The following SCN9A variants were observed in gnomAD, a reference collection of about 807,000 sequenced individuals.
The protein encoded by SCN9A is sodium channel protein type 9 subunit alpha.
SCN9A carries 131 observed loss-of-function variants against 187.0 expected under a neutral mutation model. The ratio of observed to expected loss-of-function variants is 0.70; its 90% CI spans 0.61 to 0.81. The LOEUF (loss-of-function observed/expected upper bound fraction) is 0.81, where lower values mean the gene tolerates loss of function less well. SCN9A is among the 30% of genes least tolerant of loss of function. The pLI is 0.00. For missense variants in SCN9A, 2,252 were observed against 2,396.6 expected, an observed-to-expected ratio of 0.94 and a Z score of 1.26; for synonymous variants, 809 against 808.6, an observed-to-expected ratio of 1.00 and a Z score of -0.01.
Position 166,199,443 on chromosome 2 carries a change from G to A in SCN9A, c.5196C>T (p.Asn1732=). 1 of 1,614,118 alleles carries A rather than the reference G, an allele frequency of 6.2e-7. No homozygotes were observed. Among genetic ancestry groups the A allele is most frequent in the Non-Finnish European group, 8.5e-7 (1 of 1,180,022 alleles). ...PGSSVEGDCG[N]PSVGIFYFVS... is the part of the protein sequence containing the mutation. ...CAAAGTAGAATATTCCAACAGATGG[G>A]TTACCACAGTCTCCTTCAACTGAAC... The change falls in exon 27 of 27, where the codon AAC becomes AAT. Residue 1732 remains asparagine (N), a synonymous_variant. Coordinates refer to ENST00000642356, the MANE Select transcript of SCN9A (RefSeq NM_001365536.1).
chr2:166,210,947 G>A (rs760817110), intron 24 of SCN9A, among the ~76,000 whole-genome samples: 9 of 152,052 alleles, frequency 5.9e-5, no homozygotes, highest in Non-Finnish European at 1.0e-4. Flanking sequence ...TATAATCCCA[G>A]CTACTCGGGA....
Position 166,310,798 on chromosome 2 carries a change from A to G in SCN9A, c.258+701T>C, listed in dbSNP as rs6737120. ...TGCTGCTATAAAGACACATGCACACATATGTTTATTGTGGCATTATTCACA... is the reference window on the plus strand; with the variant it reads ...TGCTGCTATAAAGACACATGCACACGTATGTTTATTGTGGCATTATTCACA... On this transcript the variant is annotated intron_variant, in intron 2 of 26. Transcript: ENST00000642356. Among the ~76,000 whole-genome samples, 18 of 74,928 alleles carry G rather than the reference A, an allele frequency of 2.4e-4. 3 individuals are homozygous for G. The South Asian group carries it at 6.5e-3, about 27-fold the overall frequency. 49.2% of individuals were successfully genotyped at this position (74,928 alleles called of 152,430 possible).
At chr2:166,374,025 T>C (rs1246806152) in intron 1 of SCN9A, among the ~76,000 whole-genome samples, 1 of 152,176 alleles carries the variant, frequency 6.6e-6, no homozygotes, top group Non-Finnish European at 1.5e-5. Flanking sequence ...CTTCTGAAAC[T>C]CAGCACAGCA....
chr2:166,310,895 C>T (rs565031158), intron 2 of SCN9A, among the ~76,000 whole-genome samples: 1 of 81,598 alleles, frequency 1.2e-5, no homozygotes, highest in African/African-American at 6.6e-5. Context: ...GGCTCATATA[C>T]ACCATGGAAT....
rs76711511 is a variant in SCN9A at position 166,334,225 on chromosome 2, C to T, written c.-50-22419G>A. 9.2e-3 allele frequency among the ~76,000 whole-genome samples: 1,405 copies of T among 152,108 alleles called. 17 individuals carry two copies. Among genetic ancestry groups the T allele is most frequent in the African/African-American group, 0.032 (1,322 of 41,530 alleles). ...TAAAATGTGAAAGAACTGAAAATAA[C>T]GAATGCCAACAAAATTACAAAAATT... On this transcript the variant is annotated intron_variant, in intron 1 of 26. Coordinates refer to ENST00000642356, the MANE Select transcript of SCN9A (RefSeq NM_001365536.1).
intron 1 of SCN9A, among the ~76,000 whole-genome samples, chr2:166,349,916 G>A (rs951403552): frequency 1.3e-5 from 2 of 151,890 alleles, no homozygotes; most frequent in Admixed American, 6.6e-5. Context: ...AGGTTGTGGC[G>A]AGCCAAGATT....
intron 6 of SCN9A, chr2:166,303,901 G>T: frequency 1.0e-6 from 1 of 972,080 alleles, no homozygotes; most frequent in Non-Finnish European, 1.6e-6. Flanking sequence ...AAACTCAAAG[G>T]TTGACTTTTG....
chr2:166,303,711 T>C (rs1198477055), intron 6 of SCN9A, among the ~76,000 whole-genome samples: 1 of 152,146 alleles, frequency 6.6e-6, no homozygotes, highest in African/African-American at 2.4e-5. Flanking sequence ...TGTCATGCAA[T>C]ATCCCCATGC....
rs1327984459 is a variant in SCN9A, at chr2:166,303,816, A to C, written c.688+422T>G. 2.0e-5 allele frequency among the ~76,000 whole-genome samples: 3 copies of C among 152,188 alleles called. No individual in the cohort carries two copies. In the East Asian group the frequency reaches 5.8e-4, roughly 29 times the overall value. The stretch of plus-strand genomic sequence containing the variant: ...TAAGCAAATGGAAAAACAAACCCTC[A>C]GACAGGAGGGAAGATTTCAAGTTGA... On this transcript the variant is annotated intron_variant, in intron 6 of 26. Transcript: ENST00000642356.
intron 1 of SCN9A, among the ~76,000 whole-genome samples, chr2:166,345,876 G>T (rs977858035): frequency 6.6e-6 from 1 of 152,106 alleles, no homozygotes; most frequent in African/African-American, 2.4e-5. Flanking sequence ...TAGGAAGAAA[G>T]CAACTGTTTA....
chr2:166,214,583 C>G (rs1377914986), intron 24 of SCN9A, among the ~76,000 whole-genome samples: 1 of 118,888 alleles, frequency 8.4e-6, no homozygotes, highest in Non-Finnish European at 1.6e-5. Context: ...GGCGCAATCT[C>G]GGCTCACTGC....
intron 24 of SCN9A, among the ~76,000 whole-genome samples, chr2:166,212,548 A>T (rs549174642): frequency 6.6e-6 from 1 of 152,206 alleles, no homozygotes; most frequent in Non-Finnish European, 1.5e-5. Flanking sequence ...AGTAGGATAC[A>T]TCAATACCCG....
intron 1 of SCN9A, among the ~76,000 whole-genome samples, chr2:166,320,147 C>CT (rs35080467): frequency 2.0e-5 from 3 of 151,846 alleles, no homozygotes; most frequent in East Asian, 1.9e-4. Context: ...ATCAGAAAAA[C>CT]TTTTTTTTAA....
intron 9 of SCN9A, among the ~76,000 whole-genome samples, chr2:166,289,338 C>T (rs981027471): frequency 6.6e-6 from 1 of 151,672 alleles, no homozygotes; most frequent in Non-Finnish European, 1.5e-5. Context: ...CCTCCCTTTG[C>T]CCCCCACCAC....
At chr2:166,295,124 G>A (rs1698240740) in intron 7 of SCN9A, among the ~76,000 whole-genome samples, 1 of 152,158 alleles carries the variant, frequency 6.6e-6, no homozygotes, top group Non-Finnish European at 1.5e-5. Context: ...TACTGGTGAA[G>A]AGATATTTGG....
intron 19 of SCN9A, among the ~76,000 whole-genome samples, chr2:166,240,769 G>C (rs754116365): frequency 6.6e-6 from 1 of 152,076 alleles, no homozygotes; most frequent in African/African-American, 2.4e-5. Context: ...AGAATGCCAG[G>C]CTCTGCCTGC....
At chr2:166,316,141 T>C (rs1699101445) in intron 1 of SCN9A, among the ~76,000 whole-genome samples, 1 of 152,142 alleles carries the variant, frequency 6.6e-6, no homozygotes, top group African/African-American at 2.4e-5. Flanking sequence ...ACAGATGAAG[T>C]GCTTTTCCTT....
At chr2:166,284,364 A>T in intron 12 of SCN9A, 89 bp downstream of exon 12, 1 of 1,460,094 alleles carries the variant, frequency 6.8e-7, no homozygotes, top group East Asian at 2.5e-5. Context: ...AGAGCCATTC[A>T]CAAGACCAGA....
intron 1 of SCN9A, among the ~76,000 whole-genome samples, chr2:166,341,412 A>C (rs1699782390): frequency 6.6e-6 from 1 of 152,246 alleles, no homozygotes; most frequent in Admixed American, 6.5e-5. Flanking sequence ...CTATGACCAG[A>C]AGTCAGGCTT....
Sources: allele counts gnomAD v4.1 joint callset (sites outside exome capture counted in the v4.1 genomes callset), GRCh38; gene constraint gnomAD v4.1.1; transcripts MANE v1.5; gene names NCBI Gene and HGNC (gene_info 2026-07-23, HGNC 2026-07-21).